C7: variants seen among roughly 807,000 people sequenced by gnomAD.
C7 encodes complement component C7.
In C7, 83 loss-of-function variants were observed where a neutral mutation model predicts 104.8. The observed-to-expected ratio is 0.79, with a 90% CI of 0.66 to 0.95. The LOEUF (loss-of-function observed/expected upper bound fraction) is 0.95, where lower values mean the gene tolerates loss of function less well. Among genes scored for constraint, C7 ranks in the 40% least tolerant of loss-of-function variants. The pLI is 0.00. For synonymous variants in C7, 415 were observed against 360.6 expected (o/e 1.15, Z -1.71); for missense variants, 1,070 against 1,011.2 (o/e 1.06, Z -0.79).
intron 1 of C7, among the ~76,000 whole-genome samples, chr5:40,917,984 T>C (rs1739355213): frequency 6.6e-6 from 1 of 152,294 alleles, no homozygotes; most frequent in Admixed American, 6.5e-5. Context: ...TAAGTTGTAA[T>C]CACCTTGAAA....
intron 16 of C7, 54 bp downstream of exon 16, chr5:40,976,894 A>G: frequency 7.5e-7 from 1 of 1,325,720 alleles, no homozygotes; most frequent in Non-Finnish European, 1.1e-6. Flanking sequence ...GATAAGGGAT[A>G]ATTTCTTAGA....
chr5:40,946,116 G>A (rs1023516697), intron 7 of C7, among the ~76,000 whole-genome samples: 1 of 151,718 alleles, frequency 6.6e-6, no homozygotes, highest in Non-Finnish European at 1.5e-5. Flanking sequence ...AAATGCAAAT[G>A]CTAGAGGCTT....
At chr5:40,980,105 T>G in intron 17 of C7, 196 bp downstream of exon 17, 1 of 404,158 alleles carries the variant, frequency 2.5e-6, no homozygotes, top group Non-Finnish European at 4.3e-6. Context: ...CCTCAGAGGA[T>G]AAGATTCCCA....
intron 17 of C7, chr5:40,980,130 A>G: frequency 2.6e-6 from 1 of 383,244 alleles, no homozygotes; most frequent in Non-Finnish European, 4.6e-6. Context: ...CCTGATGTGG[A>G]AATGTTCTCC....
intron 2 of C7, 76 bp downstream of exon 2, chr5:40,928,711 A>T: frequency 1.2e-6 from 1 of 869,094 alleles, no homozygotes; most frequent in Non-Finnish European, 1.8e-6. Context: ...TCTAATTTTG[A>T]CATTGCACTT....
chr5:40,936,365 G>T lies in C7; in HGVS notation c.308G>T (p.Cys103Phe). 1 of 1,613,366 alleles carries T rather than the reference G, an allele frequency of 6.2e-7. No individual in the cohort carries two copies. Residue 103 changes from cysteine to phenylalanine, a missense_variant, in exon 5 of 18, where the codon TGC (cysteine) becomes TTC (phenylalanine). By Grantham distance (205) the Cys-to-Phe change is radical. Coordinates refer to ENST00000313164, the MANE Select transcript of C7 (RefSeq NM_000587.4). ...CAGTGCATCAGCAAATCATTGGTTTGCAATGGGGATTCTGACTGTGATGAA... is the reference window on the plus strand; with the variant it reads ...CAGTGCATCAGCAAATCATTGGTTTTCAATGGGGATTCTGACTGTGATGAA... Reference protein sequence around the residue: ...SGQCISKSLVCNGDSDCDEDS... With the variant: ...SGQCISKSLVFNGDSDCDEDS...
intron 4 of C7, 105 bp from the exon 5 acceptor site, chr5:40,936,233 G>T (rs980756492): frequency 1.8e-5 from 15 of 852,436 alleles, no homozygotes; most frequent in Non-Finnish European, 2.6e-5. Context: ...TTACATTGGC[G>T]TATCAGTGCA....
intron 1 of C7, among the ~76,000 whole-genome samples, chr5:40,922,272 G>A (rs1739453884): frequency 6.7e-6 from 1 of 149,728 alleles, no homozygotes; most frequent in Middle Eastern, 3.2e-3. Context: ...CTACTTGGGA[G>A]GCTGAGGCAG....
intron 8 of C7, among the ~76,000 whole-genome samples, chr5:40,949,176 T>G (rs1214309202): frequency 5.9e-5 from 9 of 152,116 alleles, no homozygotes; most frequent in Non-Finnish European, 1.2e-4. Context: ...AATTTTACTC[T>G]TGAGCAGTTT....
chr5:40,934,592 A>G, intron 4 of C7, 126 bp downstream of exon 4: 1 of 927,108 alleles, frequency 1.1e-6, no homozygotes, highest in South Asian at 1.8e-5. Flanking sequence ...TCCCCCAAAT[A>G]TCATCAGGAT....
chr5:40,919,173 T>C (rs1739389278), intron 1 of C7, among the ~76,000 whole-genome samples: 2 of 151,476 alleles, frequency 1.3e-5, no homozygotes, highest in Admixed American at 1.3e-4. Flanking sequence ...ACCCAGCCTG[T>C]AGTGCAGTGG....
intron 8 of C7, 26 bp from the exon 9 acceptor site, chr5:40,949,878 T>G: frequency 7.3e-7 from 1 of 1,371,392 alleles, no homozygotes; most frequent in Non-Finnish European, 1.0e-6. Flanking sequence ...AAATTAAACA[T>G]GTCTCTTTTA....
chr5:40,923,745 T>TA lies in C7; in HGVS notation c.7-4821dup, dbSNP rs60201118. Among the ~76,000 whole-genome samples the TA allele has an allele frequency of 2.2e-3, 324 of 144,682 alleles. 3 individuals carry two copies. In the East Asian group the frequency reaches 0.035, roughly 16 times the overall value. The allele number at this position is 144,682 out of a possible 152,430, so 94.9% of individuals were successfully genotyped here. On this transcript the variant is annotated intron_variant, in intron 1 of 17. Transcript: ENST00000313164. ...TGAGCGACAGAGCAAGACTCTGTCT[T>TA]AAAAAAAAAAAAAAGTATGCGAGAG...
At chr5:40,939,655 C>G (rs113406011) in intron 6 of C7, among the ~76,000 whole-genome samples, 1 of 152,090 alleles carries the variant, frequency 6.6e-6, no homozygotes, top group Admixed American at 6.6e-5. Flanking sequence ...CCCTCTATAC[C>G]TTAGAGAATA....
chr5:40,964,020 CTTTTT>C (rs869250524), intron 13 of C7, among the ~76,000 whole-genome samples: 38 of 39,872 alleles, frequency 9.5e-4, no homozygotes, highest in African/African-American at 1.4e-3. Context: ...GCTCATAATA[CTTTTT>C]TTTTTTTTTT....
intron 11 of C7, among the ~76,000 whole-genome samples, chr5:40,958,993 T>C (rs1740363738): frequency 6.6e-6 from 1 of 152,172 alleles, no homozygotes. Context: ...TCCTTATCCC[T>C]AAATGTCTCT....
At chr5:40,919,554 G>C (rs1023104524) in intron 1 of C7, among the ~76,000 whole-genome samples, 1 of 152,080 alleles carries the variant, frequency 6.6e-6, no homozygotes, top group African/African-American at 2.4e-5. Context: ...TTAAGTCCAG[G>C]AGTTCAAGGC....
chr5:40,921,570 A>C (rs1739438337), intron 1 of C7, among the ~76,000 whole-genome samples: 1 of 151,076 alleles, frequency 6.6e-6, no homozygotes, highest in African/African-American at 2.5e-5. Flanking sequence ...GCTACAACAA[A>C]AGTAGATTAT....
At chr5:40,972,329 A>G in intron 14 of C7, 74 bp from the exon 15 acceptor site, 4 of 1,227,312 alleles carry the variant, frequency 3.3e-6, no homozygotes, top group Non-Finnish European at 4.7e-6. Flanking sequence ...GTGTGTCTGC[A>G]TCACATAAGA....
Sources: gnomAD v4.1 joint callset for allele counts (sites outside exome capture counted in the v4.1 genomes callset) on GRCh38, gnomAD v4.1.1 for gene constraint, MANE v1.5 for transcripts, NCBI Gene and HGNC (gene_info 2026-07-23, HGNC 2026-07-21) for gene names.